The following SVEP1 variants were observed in gnomAD, a reference collection of about 807,000 sequenced individuals.
SVEP1 encodes the protein sushi, von Willebrand factor type A, EGF and pentraxin domain containing 1.
SVEP1 carries 164 observed loss-of-function variants against 367.3 expected under a neutral mutation model. The observed-to-expected ratio is 0.45, with a 90% CI of 0.39 to 0.51. SVEP1 has a LOEUF of 0.51. SVEP1 is among the 20% of genes least tolerant of loss of function. The pLI is 0.00. For synonymous variants in SVEP1, 1,666 were observed against 1,611.6 expected, an observed-to-expected ratio of 1.03 and a Z score of -0.81; for missense variants, 4,117 against 4,425.3, an observed-to-expected ratio of 0.93 and a Z score of 1.98.
At position 110,365,556 on chromosome 9, in the gene SVEP1, AGGCTTCAT is replaced by A. The variant is rs1291967094; in HGVS notation, c.*975_*982del. The A allele has an allele frequency of 6.6e-6, 1 of 152,188 alleles. No homozygotes were observed. The highest frequency in any genetic ancestry group is 2.4e-5 in the African/African-American group (1 of 41,450). The allele number at this position is 152,188 out of a possible 1,614,324, so 9.4% of individuals were successfully genotyped here. A position where few individuals can be genotyped will look rare whatever the true frequency, so the allele number is the denominator to read the frequency against. ...GACTTTATTTTCTGAAGTCTGGGGA[AGGCTTCAT>A]CTTGGTACAATTGTTGTGATAGAGG... On this transcript the variant is annotated 3_prime_UTR_variant, in exon 48 of 48. Coordinates refer to ENST00000374469, the MANE Select transcript of SVEP1 (RefSeq NM_153366.4).
At chr9:110,389,723 T>C in intron 40 of SVEP1, 136 bp from the exon 41 acceptor site, 8 of 935,274 alleles carry the variant, frequency 8.6e-6, no homozygotes, top group Admixed American at 2.8e-5. Flanking sequence ...AAAAACATTT[T>C]TGAAAGTCTA....
At chr9:110,518,824 T>C (rs2118788219) in intron 3 of SVEP1, among the ~76,000 whole-genome samples, 1 of 152,324 alleles carries the variant, frequency 6.6e-6, no homozygotes, top group African/African-American at 2.4e-5. Context: ...GCCTTACCTC[T>C]ACCCTTCAAT....
intron 43 of SVEP1, 107 bp from the exon 44 acceptor site, chr9:110,379,624 A>G: frequency 8.9e-7 from 1 of 1,126,236 alleles, no homozygotes; most frequent in Non-Finnish European, 1.3e-6. Context: ...TACATAAGGG[A>G]AACATTTTCA....
At chr9:110,531,610 G>GA (rs1158597907) in intron 3 of SVEP1, among the ~76,000 whole-genome samples, 2 of 152,168 alleles carry the variant, frequency 1.3e-5, no homozygotes, top group Non-Finnish European at 2.9e-5. Flanking sequence ...GCAGAACTGT[G>GA]AGTCAATTAA....
chr9:110,374,006 ACTTTT>A (rs938419761), intron 46 of SVEP1, among the ~76,000 whole-genome samples: 1 of 152,000 alleles, frequency 6.6e-6, no homozygotes, highest in African/African-American at 2.4e-5. Flanking sequence ...CTTTTTTTTA[ACTTTT>A]ATTTTAGGTT....
intron 43 of SVEP1, among the ~76,000 whole-genome samples, chr9:110,383,544 GTGACCCCTGTTGTGGGGGGGT>G: frequency 2.0e-5 from 1 of 50,118 alleles, no homozygotes; most frequent in Admixed American, 1.8e-4. Flanking sequence ...GGTCTCATCC[GTGACCCCTGTTGTGGGGGGGT>G]CTCATCCCAA....
rs770414928 is a variant in SVEP1 at position 110,443,528 on chromosome 9, A to G, written c.4639+17T>C. On this transcript the variant is annotated intron_variant, in intron 27 of 47. Transcript: ENST00000374469. Reference sequence around the variant, plus strand: ...TCTAGAGTCCAACAGAATTATACTCATTTTGTTAAAACATACCAGGTATGG... The same window carrying G: ...TCTAGAGTCCAACAGAATTATACTCGTTTTGTTAAAACATACCAGGTATGG... The G allele has an allele frequency of 3.2e-6, 5 of 1,580,614 alleles. No homozygotes were observed. In the South Asian group the frequency reaches 3.5e-5, roughly 11 times the overall value.
chr9:110,528,678 G>A (rs1829977129), intron 3 of SVEP1, among the ~76,000 whole-genome samples: 1 of 151,690 alleles, frequency 6.6e-6, no homozygotes, highest in African/African-American at 2.4e-5. Context: ...TTGCTGATTT[G>A]TTTGAGTTCC....
chr9:110,411,742 G>C lies in SVEP1; in HGVS notation c.5976-7C>G. On this transcript the variant is annotated splice_polypyrimidine_tract_variant and splice_region_variant and intron_variant, in intron 36 of 47. Coordinates refer to ENST00000374469, the MANE Select transcript of SVEP1 (RefSeq NM_153366.4). ...AAGACCAGCAAGAGTATAGCTGTGA[G>C]GTTGGGAAGAAAGAAAGAATAACTA... 6.6e-7 allele frequency: 1 copy of C among 1,509,488 alleles called. No homozygotes were observed. The highest frequency in any genetic ancestry group is 1.4e-5 in the African/African-American group (1 of 71,608). 93.5% of individuals were successfully genotyped at this position (1,509,488 alleles called of 1,614,324 possible).
intron 43 of SVEP1, among the ~76,000 whole-genome samples, chr9:110,385,697 T>G (rs554537110): frequency 6.8e-6 from 1 of 146,826 alleles, no homozygotes; most frequent in South Asian, 2.1e-4. Flanking sequence ...GGGTTTTAGT[T>G]TAGTTCTGGA....
chr9:110,431,966 A>G lies in SVEP1; in HGVS notation c.5302T>C (p.Tyr1768His), dbSNP rs569537895. The G allele has an allele frequency of 1.9e-6, 3 of 1,613,742 alleles. No individual in the cohort carries two copies. Among genetic ancestry groups the G allele is most frequent in the Admixed American group, 3.3e-5 (2 of 60,006 alleles). ...TACGGTGGGACACATGAACATATGT[A>G]GGATCCATCTACGTTCAGGCAAGAA... ...HASCLNVDGSYICSCVPPYTG... is the reference protein window; with the variant it reads ...HASCLNVDGSHICSCVPPYTG... The change falls in exon 32 of 48, where the codon TAC becomes CAC. Residue 1768 changes from tyrosine to histidine, a missense_variant. Physicochemically the swap from Tyr to His is moderately conservative, Grantham distance 83 (BLOSUM62 2). Around this residue, in one of 4 missense-constraint regions of SVEP1, gnomAD observed 2,174 missense variants for 2,494.3 expected, o/e 0.87. Transcript: ENST00000374469.
At chr9:110,502,336 T>C (rs1829546936) in intron 6 of SVEP1, among the ~76,000 whole-genome samples, 1 of 152,008 alleles carries the variant, frequency 6.6e-6, no homozygotes, top group South Asian at 2.1e-4. Flanking sequence ...AGCTCTGACC[T>C]CATGATTTGT....
intron 1 of SVEP1, among the ~76,000 whole-genome samples, chr9:110,564,346 C>T (rs1830464767): frequency 6.6e-6 from 1 of 152,092 alleles, no homozygotes; most frequent in Non-Finnish European, 1.5e-5. Context: ...TATTTTAATA[C>T]TTACCATAAA....
intron 2 of SVEP1, among the ~76,000 whole-genome samples, chr9:110,548,881 G>A (rs531804447): frequency 6.6e-6 from 1 of 152,260 alleles, no homozygotes; most frequent in African/African-American, 2.4e-5. Context: ...CTAGCACTTT[G>A]GGAGGCCCAG....
intron 3 of SVEP1, among the ~76,000 whole-genome samples, chr9:110,521,826 T>C (rs1355135492): frequency 6.6e-6 from 1 of 152,198 alleles, no homozygotes; most frequent in Non-Finnish European, 1.5e-5. Context: ...TTTTCTAAAA[T>C]AGCTAATAAC....
intron 6 of SVEP1, 68 bp from the exon 7 acceptor site, chr9:110,499,306 T>C (rs1829496458): frequency 7.0e-7 from 1 of 1,436,496 alleles, no homozygotes; most frequent in Non-Finnish European, 9.5e-7. Context: ...GGATTCTTTT[T>C]ACTCAAGAAA....
At chr9:110,409,102 G>T (rs1021530023) in intron 37 of SVEP1, among the ~76,000 whole-genome samples, 151 bp from the exon 38 acceptor site, 4 of 152,204 alleles carry the variant, frequency 2.6e-5, no homozygotes, top group African/African-American at 9.6e-5. Flanking sequence ...TTTTCCAATA[G>T]ATCCATTCTA....
At position 110,431,926 on chromosome 9, in the gene SVEP1, T is replaced by C. The variant is rs1199906526; in HGVS notation, c.5342A>G (p.Lys1781Arg). 6.2e-7 allele frequency: 1 copy of C among 1,613,648 alleles called. No homozygotes were observed. Among genetic ancestry groups the C allele is most frequent in the African/African-American group, 1.3e-5 (1 of 75,022 alleles). ...SCVPPYTGDG[K>R]NCAEPIKCKA... ...CATATATTGGTTACCTGCACAGTTTTTCCCATCTCCTGTGTACGGTGGGAC... is the reference window on the plus strand; with the variant it reads ...CATATATTGGTTACCTGCACAGTTTCTCCCATCTCCTGTGTACGGTGGGAC... Residue 1781 changes from lysine (K) to arginine (R), a missense_variant, in exon 32 of 48, where the codon AAA becomes AGA. Lys to Arg is a conservative substitution (Grantham distance 26). Transcript: ENST00000374469.
intron 16 of SVEP1, 84 bp from the exon 17 acceptor site, chr9:110,469,185 A>G: frequency 1.4e-6 from 2 of 1,385,038 alleles, no homozygotes; most frequent in Non-Finnish European, 1.9e-6. Flanking sequence ...CATGAAAGTA[A>G]TAAAGCATGC....
Sources: allele counts gnomAD v4.1 joint callset (sites outside exome capture counted in the v4.1 genomes callset), GRCh38; gene constraint gnomAD v4.1.1; regional missense constraint gnomAD v4.1.1; transcripts MANE v1.5; gene names NCBI Gene and HGNC (gene_info 2026-07-23, HGNC 2026-07-21).